Variants in SCRN1 observed in about 807,000 individuals in gnomAD.
SCRN1 encodes secernin 1.
SCRN1 carries 19 observed loss-of-function variants against 43.3 expected under a neutral mutation model. The ratio of observed to expected loss-of-function variants is 0.44; its 90% CI spans 0.31 to 0.64. SCRN1 has a LOEUF of 0.64. Ranked by LOEUF, SCRN1 falls within the 30% of genes least tolerant of loss-of-function variation. The pLI, the probability that SCRN1 is intolerant of heterozygous loss-of-function variation, is 0.09. For missense variants in SCRN1, 447 were observed against 524.1 expected, an observed-to-expected ratio of 0.85 and a Z score of 1.44; for synonymous variants, 183 against 188.9, an observed-to-expected ratio of 0.97 and a Z score of 0.26.
At chr7:29,925,699 G>A (rs184233071) in intron 7 of SCRN1, among the ~76,000 whole-genome samples, 37 of 152,012 alleles carry the variant, frequency 2.4e-4, no homozygotes, top group African/African-American at 8.9e-4. Context: ...GAAGGATTAC[G>A]ACTTCTTTTT....
Position 29,944,036 on chromosome 7 carries a change from C to T in SCRN1, c.485G>A (p.Arg162His), listed in dbSNP as rs537818098. 2.8e-5 allele frequency: 46 copies of T among 1,614,238 alleles called. No individual in the cohort carries two copies. The highest frequency in any genetic ancestry group is 1.5e-4 in the African/African-American group (11 of 75,046). The change falls in exon 4 of 8, where the codon CGT (arginine) becomes CAT (histidine). Residue 162 changes from arginine (R) to histidine (H), a missense_variant. Arg to His is a conservative substitution (Grantham distance 29). Transcript: ENST00000242059. Reference protein sequence around the residue: ...SFQSAYLIVDRDEAWVLETIG... With the variant: ...SFQSAYLIVDHDEAWVLETIG... ...GGTCTCGAGCACCCAGGCTTCATCA[C>T]GATCCACAATCAGATATGCACTTTG...
intron 1 of SCRN1, chr7:29,969,936 T>C (rs1227676506): frequency 4.4e-6 from 2 of 454,796 alleles, no homozygotes; most frequent in African/African-American, 2.0e-5. Flanking sequence ...CATTATCTAA[T>C]ATATCACCAA....
intron 3 of SCRN1, among the ~76,000 whole-genome samples, chr7:29,954,810 A>G (rs139082874): frequency 0.019 from 2,854 of 152,170 alleles, 39 homozygotes; most frequent in East Asian, 0.041. Flanking sequence ...CCTCCTGAGT[A>G]GCTGGGATTA....
intron 5 of SCRN1, among the ~76,000 whole-genome samples, chr7:29,939,074 TA>T (rs1562805638): frequency 6.6e-6 from 1 of 152,202 alleles, no homozygotes; most frequent in Non-Finnish European, 1.5e-5. Flanking sequence ...TTTTTTTAAT[TA>T]AAAAAATTTT....
intron 1 of SCRN1, among the ~76,000 whole-genome samples, chr7:29,984,634 A>G (rs1789093906): frequency 6.6e-6 from 1 of 152,048 alleles, no homozygotes; most frequent in Admixed American, 6.5e-5. Flanking sequence ...ACAATTAGAG[A>G]ATTACAAATT....
intron 6 of SCRN1, among the ~76,000 whole-genome samples, chr7:29,934,528 C>A (rs547024329): frequency 6.6e-6 from 1 of 152,298 alleles, no homozygotes; most frequent in African/African-American, 2.4e-5. Flanking sequence ...CATATGTACC[C>A]CTGTCATCCA....
At chr7:29,941,730 C>T (rs1162304737) in intron 4 of SCRN1, among the ~76,000 whole-genome samples, 1 of 152,242 alleles carries the variant, frequency 6.6e-6, no homozygotes, top group Non-Finnish European at 1.5e-5. Flanking sequence ...AACTCTCCTA[C>T]CAGCTGGCTG....
chr7:29,987,680 AGTTTGGCTTCCCATTGCTCGAAGT>A (rs748271815), intron 1 of SCRN1, among the ~76,000 whole-genome samples: 1 of 152,248 alleles, frequency 6.6e-6, no homozygotes, highest in African/African-American at 2.4e-5. Context: ...TTCATATTAC[AGTTTGGCTTCCCATTGCTCGAAGT>A]GTTTGCCTTC....
At position 29,921,449 on chromosome 7, in the gene SCRN1, C is replaced by T. The variant is rs997263038; in HGVS notation, c.*2508G>A. 1.3e-5 allele frequency: 2 copies of T among 152,208 alleles called. No homozygotes were observed. Among genetic ancestry groups the T allele is most frequent in the South Asian group, 2.1e-4 (1 of 4,830 alleles). 9.4% of individuals were successfully genotyped at this position (152,208 alleles called of 1,614,324 possible). ...CTATTTCCAGCTGTTAATATAAGTACATAAAGTCACTAAAAGTAAGCGCAG... is the reference window on the plus strand; with the variant it reads ...CTATTTCCAGCTGTTAATATAAGTATATAAAGTCACTAAAAGTAAGCGCAG... On this transcript the variant is annotated 3_prime_UTR_variant, in exon 8 of 8. Transcript: ENST00000242059.
intron 2 of SCRN1, among the ~76,000 whole-genome samples, chr7:29,960,550 T>A (rs1788274116): frequency 6.6e-6 from 1 of 152,198 alleles, no homozygotes; most frequent in African/African-American, 2.4e-5. Flanking sequence ...CTGGTATAAT[T>A]AGCCTCTTGG....
chr7:29,990,210 C>T (rs1431627991), upstream of SCRN1: 27 of 1,551,482 alleles, frequency 1.7e-5, no homozygotes, highest in Middle Eastern at 1.7e-4. Flanking sequence ...CAAGTCGAGT[C>T]CCTGGTTTTA....
chr7:29,969,923 C>T (rs1788615755), intron 1 of SCRN1: 1 of 455,850 alleles, frequency 2.2e-6, no homozygotes, highest in South Asian at 1.6e-5. Context: ...CCATTTGCTT[C>T]TCCATTATCT....
chr7:29,961,886 G>C (rs1462005814), intron 2 of SCRN1, among the ~76,000 whole-genome samples: 1 of 152,180 alleles, frequency 6.6e-6, no homozygotes, highest in African/African-American at 2.4e-5. Context: ...CAGTGAACTT[G>C]ACATATGGAG....
intron 3 of SCRN1, among the ~76,000 whole-genome samples, chr7:29,948,305 C>T (rs758350344): frequency 6.6e-6 from 1 of 152,214 alleles, no homozygotes; most frequent in African/African-American, 2.4e-5. Context: ...TGTCCTCACT[C>T]TCAAGGGGAG....
chr7:29,955,696 G>C (rs1306650922), intron 2 of SCRN1, among the ~76,000 whole-genome samples: 3 of 152,156 alleles, frequency 2.0e-5, no homozygotes, highest in Non-Finnish European at 2.9e-5. Context: ...ATTGAACACA[G>C]CTATTTACGA....
At chr7:29,947,769 G>A (rs541267758) in intron 3 of SCRN1, among the ~76,000 whole-genome samples, 1 of 152,364 alleles carries the variant, frequency 6.6e-6, no homozygotes, top group Non-Finnish European at 1.5e-5. Context: ...GGTACACGGG[G>A]CCTTTGGGAG....
At chr7:29,943,954 CT>C (rs1787642629) in intron 4 of SCRN1, 22 bp downstream of exon 4, 1 of 1,612,486 alleles carries the variant, frequency 6.2e-7, no homozygotes, top group African/African-American at 1.3e-5. Flanking sequence ...CCTCAGAACT[CT>C]CCATCATCCA....
At chr7:29,955,848 C>T (rs145355072) in intron 2 of SCRN1, among the ~76,000 whole-genome samples, 1 of 152,352 alleles carries the variant, frequency 6.6e-6, no homozygotes, top group African/African-American at 2.4e-5. Context: ...TGATAACCTA[C>T]ATGGTTGCTC....
intron 5 of SCRN1, among the ~76,000 whole-genome samples, chr7:29,937,977 T>G (rs1286804991): frequency 6.6e-6 from 1 of 152,230 alleles, no homozygotes; most frequent in African/African-American, 2.4e-5. Flanking sequence ...GCCTATTGAT[T>G]TGAATTGGAA....
Sources: gnomAD v4.1 joint callset for allele counts (sites outside exome capture counted in the v4.1 genomes callset) on GRCh38, gnomAD v4.1.1 for gene constraint, MANE v1.5 for transcripts, NCBI Gene and HGNC (gene_info 2026-07-23, HGNC 2026-07-21) for gene names.